SATB2: variants seen among roughly 807,000 people sequenced by gnomAD.
SATB2 encodes SATB homeobox 2, also known as DNA-binding protein SATB2.
SATB2 carries 1 observed loss-of-function variant against 73.4 expected under a neutral mutation model. The observed-to-expected ratio is 0.01, with a 90% confidence interval of 0.00 to 0.06. The LOEUF is 0.06. Among genes scored for constraint, SATB2 ranks in the 10% least tolerant of loss-of-function variants. SATB2 has a pLI of 1.00. For missense variants in SATB2, 459 were observed against 945.8 expected (o/e 0.49, Z 6.75); for synonymous variants, 397 against 367.0 (o/e 1.08, Z -0.93).
intron 6 of SATB2, among the ~76,000 whole-genome samples, chr2:199,366,218 A>C (rs1484223315): frequency 3.3e-5 from 5 of 152,066 alleles, no homozygotes; most frequent in Non-Finnish European, 7.4e-5. Flanking sequence ...GTCTCAGAAA[A>C]AGCCCTATGG....
chr2:199,438,368 G>A (rs1047259172), intron 2 of SATB2, among the ~76,000 whole-genome samples: 7 of 152,142 alleles, frequency 4.6e-5, no homozygotes, highest in Non-Finnish European at 7.3e-5. Context: ...TGTGACTGTC[G>A]TGAGCCCTTT....
intron 3 of SATB2, among the ~76,000 whole-genome samples, chr2:199,431,465 A>C (rs1249543031): frequency 6.6e-6 from 1 of 152,236 alleles, no homozygotes; most frequent in Non-Finnish European, 1.5e-5. Flanking sequence ...AAAATAAAGT[A>C]TATCTGTACT....
chr2:199,317,359 T>C (rs965617612), intron 9 of SATB2, among the ~76,000 whole-genome samples: 4 of 152,074 alleles, frequency 2.6e-5, no homozygotes, highest in Non-Finnish European at 5.9e-5. Flanking sequence ...TTTAACTCGA[T>C]GTCCTCTTCC....
chr2:199,307,012 T>A (rs1360077099), intron 10 of SATB2, among the ~76,000 whole-genome samples: 1 of 152,164 alleles, frequency 6.6e-6, no homozygotes, highest in Non-Finnish European at 1.5e-5. Flanking sequence ...TGAATAAAAA[T>A]TCCATGAAAA....
intron 10 of SATB2, among the ~76,000 whole-genome samples, chr2:199,293,998 C>T (rs1692950680): frequency 6.6e-6 from 1 of 152,106 alleles, no homozygotes; most frequent in African/African-American, 2.4e-5. Flanking sequence ...AATGCTCCCC[C>T]CCAACTAGTT....
chr2:199,321,083 A>AAGT (rs375450870), intron 9 of SATB2, among the ~76,000 whole-genome samples: 1 of 1,842 alleles, frequency 5.4e-4, no homozygotes, highest in Non-Finnish European at 9.4e-3. Flanking sequence ...AGAAAAATAA[A>AAGT]AGGAGGGAAG....
At chr2:199,305,948 T>C (rs1298564066) in intron 10 of SATB2, among the ~76,000 whole-genome samples, 1 of 149,730 alleles carries the variant, frequency 6.7e-6, no homozygotes, top group Non-Finnish European at 1.5e-5. Context: ...TTACCCATAG[T>C]TAACAATTTA....
intron 3 of SATB2, among the ~76,000 whole-genome samples, chr2:199,404,259 C>T (rs2105895840): frequency 6.6e-6 from 1 of 152,280 alleles, no homozygotes; most frequent in Middle Eastern, 3.4e-3. Flanking sequence ...CTCCTGACTC[C>T]CGATGTGGAC....
intron 7 of SATB2, among the ~76,000 whole-genome samples, chr2:199,334,525 C>G (rs550578191): frequency 6.6e-6 from 1 of 152,136 alleles, no homozygotes; most frequent in Admixed American, 6.6e-5. Context: ...AACCATCCAC[C>G]CTGCCCCCGG....
intron 3 of SATB2, among the ~76,000 whole-genome samples, chr2:199,428,200 G>A: frequency 6.6e-6 from 1 of 152,070 alleles, no homozygotes; most frequent in East Asian, 1.9e-4. Flanking sequence ...ACCTACTATA[G>A]GCCCTCTACA....
intron 10 of SATB2, among the ~76,000 whole-genome samples, chr2:199,277,146 T>C (rs751688976): frequency 3.9e-5 from 6 of 152,150 alleles, no homozygotes; most frequent in African/African-American, 7.2e-5. Context: ...AAAGCCTGCA[T>C]TGACAGATCC....
At chr2:199,423,198 T>C (rs1207393040) in intron 3 of SATB2, among the ~76,000 whole-genome samples, 1 of 152,072 alleles carries the variant, frequency 6.6e-6, no homozygotes, top group African/African-American at 2.4e-5. Flanking sequence ...TTATTACATA[T>C]TGAGTTGCTT....
At chr2:199,392,919 G>A (rs1690191616) in intron 3 of SATB2, among the ~76,000 whole-genome samples, 1 of 152,154 alleles carries the variant, frequency 6.6e-6, no homozygotes, top group Non-Finnish European at 1.5e-5. Flanking sequence ...GTTTTTAAGG[G>A]AAAGTTGCCT....
chr2:199,321,410 TA>T (rs5837675), intron 9 of SATB2, among the ~76,000 whole-genome samples: 118,390 of 150,258 alleles, frequency 0.79, 48,318 homozygotes, highest in Non-Finnish European at 0.89. Context: ...CACACACAGA[TA>T]CACCTTATGG....
At chr2:199,284,087 A>T (rs1342584314) in intron 10 of SATB2, among the ~76,000 whole-genome samples, 1 of 152,234 alleles carries the variant, frequency 6.6e-6, no homozygotes, top group Admixed American at 6.5e-5. Flanking sequence ...GTTGCCAATT[A>T]TACCTTTTAA....
intron 3 of SATB2, among the ~76,000 whole-genome samples, chr2:199,407,417 A>C (rs905883831): frequency 4.6e-5 from 7 of 152,154 alleles, no homozygotes; most frequent in Admixed American, 1.3e-4. Flanking sequence ...AATCTTAATT[A>C]AGACTAGGTA....
intron 10 of SATB2, among the ~76,000 whole-genome samples, chr2:199,291,937 C>A (rs1160205463): frequency 1.3e-5 from 2 of 151,414 alleles, no homozygotes; most frequent in Non-Finnish European, 3.0e-5. Context: ...AAAATAAAAA[C>A]AAAAACAAAC....
At chr2:199,330,547 T>C (rs1688160764) in intron 7 of SATB2, among the ~76,000 whole-genome samples, 1 of 152,220 alleles carries the variant, frequency 6.6e-6, no homozygotes, top group Non-Finnish European at 1.5e-5. Flanking sequence ...GACTGGTACA[T>C]GATTCTTAAA....
At chr2:199,280,661 C>T (rs910330379) in intron 10 of SATB2, among the ~76,000 whole-genome samples, 1 of 152,126 alleles carries the variant, frequency 6.6e-6, no homozygotes, top group Non-Finnish European at 1.5e-5. Flanking sequence ...CCCAGTCTCC[C>T]GTAGCACTCC....
Sources: gnomAD v4.1 joint callset for allele counts (sites outside exome capture counted in the v4.1 genomes callset) on GRCh38, gnomAD v4.1.1 for gene constraint, MANE v1.5 for transcripts, NCBI Gene and HGNC (gene_info 2026-07-23, HGNC 2026-07-21) for gene names.